Variants in UBA2 observed in about 807,000 individuals in gnomAD.
The protein encoded by UBA2 is ubiquitin like modifier activating enzyme 2, also known as SUMO-activating enzyme subunit 2.
UBA2 carries 11 observed loss-of-function variants against 77.2 expected under a neutral mutation model. That is an observed-to-expected ratio of 0.14 (90% CI 0.09 to 0.24). The LOEUF is 0.24. UBA2 is among the 10% of genes least tolerant of loss of function. UBA2 has a pLI of 1.00. For synonymous variants in UBA2, 278 were observed against 276.7 expected, an observed-to-expected ratio of 1.00 and a Z score of -0.05; for missense variants, 487 against 781.7, an observed-to-expected ratio of 0.62 and a Z score of 4.50.
chr19:34,464,197 G>C, intron 15 of UBA2, 66 bp downstream of exon 15: 2 of 1,133,426 alleles, frequency 1.8e-6, no homozygotes, highest in South Asian at 2.6e-5. Context: ...ACAAAATGAA[G>C]GAAAAGTGTT....
At chr19:34,460,829 T>G (rs2075623161) in intron 14 of UBA2, among the ~76,000 whole-genome samples, 1 of 152,212 alleles carries the variant, frequency 6.6e-6, no homozygotes, top group African/African-American at 2.4e-5. Flanking sequence ...TCCTGGGAGC[T>G]AACCTTGTGA....
At chr19:34,460,966 C>T (rs1393120461) in intron 14 of UBA2, among the ~76,000 whole-genome samples, 2 of 152,190 alleles carry the variant, frequency 1.3e-5, no homozygotes, top group South Asian at 2.1e-4. Flanking sequence ...TATTGAAATT[C>T]AGTGCCCGGT....
Position 34,452,466 on chromosome 19 carries a change from A to G in UBA2, c.1038+319A>G, listed in dbSNP as rs183882344. Among the ~76,000 whole-genome samples, 183 of 152,348 alleles carry G rather than the reference A, an allele frequency of 1.2e-3. 1 individual carries two copies. The highest frequency in any genetic ancestry group is 4.2e-3 in the African/African-American group (175 of 41,578). The stretch of plus-strand genomic sequence containing the variant: ...TAGATGTATTCATAGAAGTCATAAA[A>G]TCATTTGGAGAAAACATCTCATTGG... On this transcript the variant is annotated intron_variant, in intron 10 of 16. Transcript: ENST00000246548.
rs1012000053 is a variant in UBA2, at chr19:34,470,397, C to G, written c.*1176C>G. The G allele has an allele frequency of 2.6e-5, 4 of 152,216 alleles. No individual in the cohort carries two copies. The highest frequency in any genetic ancestry group is 9.7e-5 in the African/African-American group (4 of 41,444). The allele number at this position is 152,216 out of a possible 1,614,324, so 9.4% of individuals were successfully genotyped here. A position where few individuals can be genotyped will look rare whatever the true frequency, so the allele number is the denominator to read the frequency against. ...TGTGGTGGTGGTGCACATCTGTGTT[C>G]CAGCTACTCAGGAGGCTGAGGCAGG... On this transcript the variant is annotated 3_prime_UTR_variant, in exon 17 of 17. Coordinates refer to ENST00000246548, the MANE Select transcript of UBA2 (RefSeq NM_005499.3).
intron 10 of UBA2, 80 bp from the exon 11 acceptor site, chr19:34,454,180 T>C (rs1234119695): frequency 8.0e-7 from 1 of 1,246,292 alleles, no homozygotes; most frequent in African/African-American, 1.5e-5. Context: ...TATAAACACG[T>C]GAAAGTATTG....
rs1364966838 is a variant in UBA2 at position 34,428,492 on chromosome 19, G to T, written c.60G>T (p.Val20=). The change falls in exon 1 of 17, where the codon GTG becomes GTT. Residue 20 remains valine, a synonymous_variant. Transcript: ENST00000246548. The part of the protein sequence containing the change: ...ELAEAVAGGR[V]LVVGAGGIGC... ...CTGAGGCGGTGGCCGGGGGCCGGGT[G>T]CTGGTGGTGGGGGCGGGCGGCATCG... The T allele has an allele frequency of 1.5e-6, 2 of 1,299,332 alleles. No individual in the cohort carries two copies. 80.5% of individuals were successfully genotyped at this position (1,299,332 alleles called of 1,614,324 possible). A position where few individuals can be genotyped will look rare whatever the true frequency, so the allele number is the denominator to read the frequency against.
At chr19:34,436,550 C>T (rs987198930) in intron 5 of UBA2, among the ~76,000 whole-genome samples, 16 of 152,108 alleles carry the variant, frequency 1.1e-4, no homozygotes, top group Admixed American at 7.9e-4. Context: ...CCACCTGCCT[C>T]GGCCTCCCAA....
intron 9 of UBA2, among the ~76,000 whole-genome samples, chr19:34,451,536 GTTTTTTTTT>G (rs773178552): frequency 3.2e-5 from 2 of 62,964 alleles, no homozygotes; most frequent in Non-Finnish European, 5.8e-5. Context: ...AGGTTTAACA[GTTTTTTTTT>G]TTTTTTTTTT....
chr19:34,464,017 G>A lies in UBA2; in HGVS notation c.1499-9G>A, dbSNP rs754880010. 5.0e-6 allele frequency: 8 copies of A among 1,591,612 alleles called. No individual in the cohort carries two copies. In the East Asian group the frequency reaches 6.7e-5, roughly 13 times the overall value. ...TAACTGAAGTATCTAAATTATTCAC[G>A]TTTCCTAGCTAATAATCACAAGAAG... On this transcript the variant is annotated splice_polypyrimidine_tract_variant and intron_variant, in intron 14 of 16. Transcript: ENST00000246548.
intron 8 of UBA2, among the ~76,000 whole-genome samples, chr19:34,445,953 G>A (rs1316598612): frequency 2.6e-5 from 4 of 152,114 alleles, no homozygotes; most frequent in African/African-American, 9.7e-5. Context: ...CCGTAGGTCC[G>A]TGTTTTAAAA....
chr19:34,453,306 T>TA (rs1220588461), intron 10 of UBA2, among the ~76,000 whole-genome samples: 13 of 152,162 alleles, frequency 8.5e-5, no homozygotes, highest in Non-Finnish European at 1.8e-4. Flanking sequence ...ACCAGGGTGA[T>TA]ATCTTCTCAG....
At position 34,457,185 on chromosome 19, in the gene UBA2, T is replaced by A. The variant is rs1257401083; in HGVS notation, c.1246-1584T>A. Among the ~76,000 whole-genome samples the A allele has an allele frequency of 9.0e-4, 104 of 115,376 alleles. 1 individual carries two copies. Among genetic ancestry groups the A allele is most frequent in the African/African-American group, 3.2e-3 (83 of 26,272 alleles). The allele number at this position is 115,376 out of a possible 152,430, so 75.7% of individuals were successfully genotyped here. A position where few individuals can be genotyped will look rare whatever the true frequency, so the allele number is the denominator to read the frequency against. On this transcript the variant is annotated intron_variant, in intron 12 of 16. Coordinates refer to ENST00000246548, the MANE Select transcript of UBA2 (RefSeq NM_005499.3). The stretch of plus-strand genomic sequence containing the variant: ...CTCTACTAAAAAAAAAAAAAATATA[T>A]ATATATATATATATATATATATATA...
At chr19:34,451,619 C>A (rs2075499356) in intron 9 of UBA2, among the ~76,000 whole-genome samples, 1 of 125,940 alleles carries the variant, frequency 7.9e-6, no homozygotes, top group Admixed American at 1.1e-4. Flanking sequence ...GCGATCTTGG[C>A]TCACTGCAAG....
rs1335005703 is a variant in UBA2, at chr19:34,445,527, C to T, written c.771+406C>T. Among the ~76,000 whole-genome samples the T allele has an allele frequency of 2.7e-5, 4 of 150,552 alleles. No individual in the cohort carries two copies. The East Asian group carries it at 7.8e-4, about 29-fold the overall frequency. On this transcript the variant is annotated intron_variant, in intron 8 of 16. Transcript: ENST00000246548. ...CGATCTCGGCTCACTGCAGCCCCGCCTCCTGGGTTCAAGTGATTCTCCTGC... is the reference window on the plus strand; with the variant it reads ...CGATCTCGGCTCACTGCAGCCCCGCTTCCTGGGTTCAAGTGATTCTCCTGC...
intron 3 of UBA2, 29 bp downstream of exon 3, chr19:34,431,960 T>TGTATAAC (rs3217243): frequency 1.6e-5 from 25 of 1,553,622 alleles, no homozygotes; most frequent in Non-Finnish European, 2.0e-5. Context: ...ATTGCAAAGT[T>TGTATAAC]GTATAAGGGT....
chr19:34,465,366 C>T (rs905928660), intron 15 of UBA2, among the ~76,000 whole-genome samples: 8 of 151,650 alleles, frequency 5.3e-5, no homozygotes, highest in East Asian at 1.9e-4. Flanking sequence ...AGGCCAGGTG[C>T]GATGGCTCAT....
In UBA2 at chr19:34,463,920, A is replaced by T. The variant is rs531390964; in HGVS notation, c.1499-106A>T. On this transcript the variant is annotated intron_variant, in intron 14 of 16. Transcript: ENST00000246548. Reference sequence around the variant, plus strand: ...GGGTTTCAACCTTTGGATTTTGGTGAACGGGACACAAATCAGCCCATAACA... The same window carrying T: ...GGGTTTCAACCTTTGGATTTTGGTGTACGGGACACAAATCAGCCCATAACA... 1.1e-4 allele frequency: 85 copies of T among 739,606 alleles called. No homozygotes were observed. In the African/African-American group the frequency reaches 1.4e-3, roughly 12 times the overall value. 45.8% of individuals were successfully genotyped at this position (739,606 alleles called of 1,614,324 possible).
intron 6 of UBA2, among the ~76,000 whole-genome samples, chr19:34,443,489 C>T (rs2075392500): frequency 2.0e-5 from 3 of 146,576 alleles, no homozygotes; most frequent in Admixed American, 7.2e-5. Context: ...TTGCCCAGGC[C>T]GGAGTGCAGT....
intron 12 of UBA2, among the ~76,000 whole-genome samples, chr19:34,456,100 CTTTTTCTTT>C (rs1336707705): frequency 3.6e-4 from 20 of 55,800 alleles, no homozygotes; most frequent in Non-Finnish European, 3.8e-4. Context: ...TTTTCCTTTT[CTTTTTCTTT>C]TTTTTTTTTT....
Sources: allele counts gnomAD v4.1 joint callset (sites outside exome capture counted in the v4.1 genomes callset), GRCh38; gene constraint gnomAD v4.1.1; transcripts MANE v1.5; gene names NCBI Gene and HGNC (gene_info 2026-07-23, HGNC 2026-07-21).